MAPRE1: variants seen among roughly 807,000 people sequenced by gnomAD.
MAPRE1 encodes microtubule-associated protein RP/EB family member 1.
In MAPRE1, 5 loss-of-function variants were observed where a neutral mutation model predicts 32.1. That is an observed-to-expected ratio of 0.16 (90% confidence interval 0.08 to 0.33). The LOEUF is 0.33. MAPRE1 is among the 10% of genes least tolerant of loss of function. MAPRE1 has a pLI of 1.00. For missense variants in MAPRE1, 209 were observed against 327.2 expected (o/e 0.64, Z 2.79); for synonymous variants, 122 against 118.9 (o/e 1.03, Z -0.17).
intron 5 of MAPRE1, among the ~76,000 whole-genome samples, chr20:32,841,063 G>C (rs1172039601): frequency 2.6e-5 from 4 of 152,196 alleles, no homozygotes; most frequent in Admixed American, 2.6e-4. Flanking sequence ...TGATCCACCT[G>C]CCTTGGCCTC....
intron 1 of MAPRE1, 112 bp from the exon 2 acceptor site, chr20:32,825,813 A>C: frequency 1.3e-6 from 1 of 744,062 alleles, no homozygotes; most frequent in Non-Finnish European, 2.0e-6. Flanking sequence ...ATAAAATAAA[A>C]TAAAATTGAG....
intron 2 of MAPRE1, among the ~76,000 whole-genome samples, chr20:32,828,990 G>A (rs564454774): frequency 1.4e-3 from 214 of 151,470 alleles, no homozygotes; most frequent in African/African-American, 5.1e-3. Flanking sequence ...GCGTGATCTC[G>A]GCTCACTGCA....
At chr20:32,845,225 A>G (rs554280706) in intron 5 of MAPRE1, among the ~76,000 whole-genome samples, 1 of 152,106 alleles carries the variant, frequency 6.6e-6, no homozygotes, top group African/African-American at 2.4e-5. Context: ...ATTTTTTTGT[A>G]GAGACAGGTT....
Position 32,833,803 on chromosome 20 carries a change from G to A in MAPRE1, c.208G>A (p.Glu70Lys). ...KVKFQAKLEH[E>K]YIQNFKILQA... The stretch of plus-strand genomic sequence containing the variant: ...GAAATTCCAAGCTAAGCTAGAACAC[G>A]AGTACATCCAGAACTTCAAAATACT... Residue 70 changes from glutamate to lysine, a missense_variant, in exon 3 of 7, where the codon GAG becomes AAG. Around this residue, in one of 3 missense-constraint regions of MAPRE1, gnomAD observed 67 missense variants for 140.0 expected, o/e 0.48. Transcript: ENST00000375571. 2 of 1,614,086 alleles carry A rather than the reference G, an allele frequency of 1.2e-6. No individual in the cohort carries two copies. Among genetic ancestry groups the A allele is most frequent in the Non-Finnish European group, 1.7e-6 (2 of 1,179,954 alleles).
Position 32,836,843 on chromosome 20 carries a change from T to TAA in MAPRE1, c.475+8_475+9dup. Reference sequence around the variant, plus strand: ...AACCTCTCACTTCTAGCAGTGCAGGTAAAAAAACAACCCCAAAACGTTTCC... The same window carrying TAA: ...AACCTCTCACTTCTAGCAGTGCAGGTAAAAAAAAACAACCCCAAAACGTTTCC... On this transcript the variant is annotated splice_region_variant and intron_variant, in intron 4 of 6. Transcript: ENST00000375571. 6.3e-7 allele frequency: 1 copy of TAA among 1,587,198 alleles called. No individual in the cohort carries two copies. Among genetic ancestry groups the TAA allele is most frequent in the East Asian group, 2.2e-5 (1 of 44,768 alleles).
At position 32,846,787 on chromosome 20, in the gene MAPRE1, A is replaced by G. The variant is rs1156279180; in HGVS notation, c.750+17A>G. ...GCCACAGATGTATGTGTTTGACATG[A>G]GGATATTTTCTTTCCATTTTACATA... On this transcript the variant is annotated intron_variant, in intron 6 of 6. Transcript: ENST00000375571. The G allele has an allele frequency of 6.2e-7, 1 of 1,613,274 alleles. No homozygotes were observed.
chr20:32,830,675 G>T (rs927781373), intron 2 of MAPRE1, among the ~76,000 whole-genome samples: 1 of 151,838 alleles, frequency 6.6e-6, no homozygotes, highest in African/African-American at 2.4e-5. Flanking sequence ...GCATAAGTCT[G>T]CAGCCTTTCT....
chr20:32,840,521 C>T (rs1452078552), intron 5 of MAPRE1, among the ~76,000 whole-genome samples: 1 of 152,102 alleles, frequency 6.6e-6, no homozygotes, highest in Non-Finnish European at 1.5e-5. Flanking sequence ...GATAGGGTCT[C>T]ACTATGGTGC....
chr20:32,828,498 A>G (rs1298160603), intron 2 of MAPRE1, among the ~76,000 whole-genome samples: 3 of 152,240 alleles, frequency 2.0e-5, no homozygotes, highest in Non-Finnish European at 4.4e-5. Context: ...TGTAGACAGG[A>G]CTGGGCATAA....
rs760704547 is a variant in MAPRE1, at chr20:32,836,843, TA to T, written c.475+9del. The T allele has an allele frequency of 5.7e-6, 9 of 1,587,074 alleles. No individual in the cohort carries two copies. In the East Asian group the frequency reaches 8.9e-5, roughly 16 times the overall value. ...AACCTCTCACTTCTAGCAGTGCAGG[TA>T]AAAAAACAACCCCAAAACGTTTCCA... On this transcript the variant is annotated splice_donor_region_variant and intron_variant, in intron 4 of 6. Transcript: ENST00000375571.
At position 32,848,999 on chromosome 20, in the gene MAPRE1, G is replaced by A. The variant is rs780305766; in HGVS notation, c.*271G>A. 15 of 307,344 alleles carry A rather than the reference G, an allele frequency of 4.9e-5. No individual in the cohort carries two copies. Among genetic ancestry groups the A allele is most frequent in the Non-Finnish European group, 7.8e-5 (13 of 166,352 alleles). The allele number at this position is 307,344 out of a possible 1,614,324, so 19.0% of individuals were successfully genotyped here. On this transcript the variant is annotated 3_prime_UTR_variant, in exon 7 of 7. Coordinates refer to ENST00000375571, the MANE Select transcript of MAPRE1 (RefSeq NM_012325.3). The stretch of plus-strand genomic sequence containing the variant: ...ACCGTGGGGCTCACCATGCGGATGC[G>A]GGTCACACTGAATGCTGGAGAGATG...
intron 4 of MAPRE1, 45 bp downstream of exon 4, chr20:32,836,886 A>G (rs1175950411): frequency 2.0e-6 from 3 of 1,526,158 alleles, no homozygotes; most frequent in Non-Finnish European, 1.8e-6. Context: ...AGCGTTCCAG[A>G]TATTCATTCA....
intron 4 of MAPRE1, among the ~76,000 whole-genome samples, chr20:32,837,841 T>G (rs1414628400): frequency 1.3e-5 from 2 of 152,190 alleles, no homozygotes; most frequent in Non-Finnish European, 2.9e-5. Flanking sequence ...CCCAGCGCTT[T>G]GGGAGGCTGA....
At chr20:32,824,078 G>A (rs140316631) in intron 1 of MAPRE1, among the ~76,000 whole-genome samples, 11 of 152,210 alleles carry the variant, frequency 7.2e-5, no homozygotes, top group South Asian at 4.2e-4. Context: ...ACCACATTCC[G>A]TAAACCCCGT....
chr20:32,832,604 AC>A (rs1983066132), intron 2 of MAPRE1, among the ~76,000 whole-genome samples: 3 of 151,712 alleles, frequency 2.0e-5, no homozygotes, highest in Non-Finnish European at 2.9e-5. Context: ...AGTAACTGGA[AC>A]CACAAGGGCA....
chr20:32,845,822 G>C (rs529264513), intron 5 of MAPRE1, among the ~76,000 whole-genome samples: 6 of 152,178 alleles, frequency 3.9e-5, no homozygotes, highest in African/African-American at 1.4e-4. Flanking sequence ...TGGACTAGAT[G>C]ATTTCTCTGG....
At chr20:32,836,962 A>C in intron 4 of MAPRE1, 121 bp downstream of exon 4, 1 of 882,942 alleles carries the variant, frequency 1.1e-6, no homozygotes. Flanking sequence ...AATCCCAGGC[A>C]TGTGGCCAGA....
chr20:32,828,397 A>T (rs890849765), intron 2 of MAPRE1, among the ~76,000 whole-genome samples: 1 of 152,196 alleles, frequency 6.6e-6, no homozygotes, highest in African/African-American at 2.4e-5. Flanking sequence ...TATTTCACTT[A>T]GTTAATTGGA....
chr20:32,824,693 T>G (rs1023757189), intron 1 of MAPRE1, among the ~76,000 whole-genome samples: 1 of 151,744 alleles, frequency 6.6e-6, no homozygotes. Flanking sequence ...TTTTTTTTTT[T>G]TTTTGGAAAT....
Sources: allele counts gnomAD v4.1 joint callset (sites outside exome capture counted in the v4.1 genomes callset), GRCh38; gene constraint gnomAD v4.1.1; regional missense constraint gnomAD v4.1.1; transcripts MANE v1.5; gene names NCBI Gene and HGNC (gene_info 2026-07-23, HGNC 2026-07-21).